Variants in N4BP1 observed in about 807,000 individuals in gnomAD.
The protein encoded by N4BP1 is NEDD4-binding protein 1.
In N4BP1, 21 loss-of-function variants were observed where a neutral mutation model predicts 70.9. The ratio of observed to expected loss-of-function variants is 0.30; its 90% CI spans 0.21 to 0.43. The LOEUF is 0.43. Ranked by LOEUF, N4BP1 falls within the 20% of genes least tolerant of loss-of-function variation. N4BP1 has a pLI of 1.00. For synonymous variants in N4BP1, 387 were observed against 394.6 expected, an observed-to-expected ratio of 0.98 and a Z score of 0.23; for missense variants, 936 against 1,069.4, an observed-to-expected ratio of 0.88 and a Z score of 1.74.
intron 1 of N4BP1, 80 bp from the exon 2 acceptor site, chr16:48,562,524 T>C: frequency 1.8e-6 from 2 of 1,128,656 alleles, no homozygotes; most frequent in Middle Eastern, 2.2e-4. Context: ...TAACTACAAA[T>C]GTCAGGCCGA....
At chr16:48,571,263 C>T (rs1389260090) in intron 1 of N4BP1, among the ~76,000 whole-genome samples, 1 of 152,122 alleles carries the variant, frequency 6.6e-6, no homozygotes, top group Non-Finnish European at 1.5e-5. Context: ...CCGTGGGCCA[C>T]CAGCAACAAC....
chr16:48,592,839 T>C (rs1964357359), intron 1 of N4BP1, among the ~76,000 whole-genome samples: 1 of 152,178 alleles, frequency 6.6e-6, no homozygotes, highest in South Asian at 2.1e-4. Context: ...AGCCATTACA[T>C]TCTAGGTAAG....
In N4BP1 at chr16:48,609,994, C is replaced by G; in HGVS notation, c.-22G>C. The G allele has an allele frequency of 8.5e-7, 1 of 1,170,114 alleles. No homozygotes were observed. The highest frequency in any genetic ancestry group is 1.1e-6 in the Non-Finnish European group (1 of 949,244). 72.5% of individuals were successfully genotyped at this position (1,170,114 alleles called of 1,614,324 possible). On this transcript the variant is annotated 5_prime_UTR_variant, in exon 1 of 7. Transcript: ENST00000262384. ...CCATGGCGGGCGCGGCCTCCCGCGG[C>G]GGCGCCGGGGGCCGGCGGCGGCGAC...
chr16:48,559,426 G>A (rs979207855), intron 2 of N4BP1, among the ~76,000 whole-genome samples: 2 of 152,128 alleles, frequency 1.3e-5, no homozygotes, highest in Non-Finnish European at 1.5e-5. Flanking sequence ...TTGAATTGCG[G>A]CTACTTAAAA....
Position 48,541,810 on chromosome 16 carries a change from G to C in N4BP1, c.*1094C>G, listed in dbSNP as rs1351858821. 6.6e-6 allele frequency: 1 copy of C among 152,594 alleles called. No individual in the cohort carries two copies. The highest frequency in any genetic ancestry group is 1.5e-5 in the Non-Finnish European group (1 of 68,032). 9.5% of individuals were successfully genotyped at this position (152,594 alleles called of 1,614,324 possible). On this transcript the variant is annotated 3_prime_UTR_variant, in exon 7 of 7. Transcript: ENST00000262384. ...ATTCTGAGAAAGACTCACAGGAAAG[G>C]CTGTTTAGGAGGACACTAGAGACAA... is the stretch of plus-strand genomic sequence containing the variant.
rs532271708 is a variant in N4BP1 at position 48,542,476 on chromosome 16, T to C, written c.*428A>G. 6.5e-6 allele frequency: 1 copy of C among 153,700 alleles called. No homozygotes were observed. The highest frequency in any genetic ancestry group is 2.4e-5 in the African/African-American group (1 of 41,558). The allele number at this position is 153,700 out of a possible 1,614,324, so 9.5% of individuals were successfully genotyped here. A position where few individuals can be genotyped will look rare whatever the true frequency, so the allele number is the denominator to read the frequency against. On this transcript the variant is annotated 3_prime_UTR_variant, in exon 7 of 7. Coordinates refer to ENST00000262384, the MANE Select transcript of N4BP1 (RefSeq NM_153029.4). Reference sequence around the variant, plus strand: ...ACTTCATGGTAGTGATGGGACATACTCATCTCAAGAAAATATACTTTAAGA... The same window carrying C: ...ACTTCATGGTAGTGATGGGACATACCCATCTCAAGAAAATATACTTTAAGA...
intron 1 of N4BP1, among the ~76,000 whole-genome samples, chr16:48,594,015 A>C (rs1437375625): frequency 6.6e-6 from 1 of 150,888 alleles, no homozygotes; most frequent in African/African-American, 2.4e-5. Flanking sequence ...AAAAAAAAAA[A>C]AAACAAAAAA....
Position 48,561,598 on chromosome 16 carries a change from T to C in N4BP1, c.1045A>G (p.Ile349Val). The change falls in exon 2 of 7, where the codon ATC (isoleucine) becomes GTC (valine). Residue 349 changes from isoleucine (I) to valine (V), a missense_variant. Physicochemically the swap from Ile to Val is conservative, Grantham distance 29. This residue lies in a region of N4BP1 where 515 missense variants were observed against 491.7 expected (regional missense o/e 1.05). Transcript: ENST00000262384. ...ATGGTTTTAAAAAAGTTTACGAGGA[T>C]GTTGTATTCCATTTCCTCAGTAGTT... ...KETTEEMEYN[I>V]LVNFFKTMGY... 1 of 1,613,636 alleles carries C rather than the reference T, an allele frequency of 6.2e-7. No individual in the cohort carries two copies. Among genetic ancestry groups the C allele is most frequent in the Non-Finnish European group, 8.5e-7 (1 of 1,179,812 alleles).
At chr16:48,597,838 T>C (rs1964439359) in intron 1 of N4BP1, among the ~76,000 whole-genome samples, 1 of 152,144 alleles carries the variant, frequency 6.6e-6, no homozygotes, top group African/African-American at 2.4e-5. Context: ...GCTGTGGACA[T>C]GAGGCAATAA....
At chr16:48,602,657 G>C (rs1166418200) in intron 1 of N4BP1, among the ~76,000 whole-genome samples, 1 of 151,804 alleles carries the variant, frequency 6.6e-6, no homozygotes, top group African/African-American at 2.4e-5. Flanking sequence ...CCTTCTTCCT[G>C]GTAAAATCAA....
At position 48,590,153 on chromosome 16, in the gene N4BP1, A is replaced by G. The variant is rs190424577; in HGVS notation, c.198+19622T>C. On this transcript the variant is annotated intron_variant, in intron 1 of 6. Transcript: ENST00000262384. ...AAATATTTTGCAGACTCTGCACTCA[A>G]TGAATCAGCTGACACCACCCAGATC... Among the ~76,000 whole-genome samples the G allele has an allele frequency of 1.0e-3, 154 of 152,192 alleles. 1 individual carries two copies. The highest frequency in any genetic ancestry group is 3.5e-3 in the African/African-American group (144 of 41,516).
chr16:48,563,305 A>G (rs996345414), intron 1 of N4BP1, among the ~76,000 whole-genome samples: 7 of 152,182 alleles, frequency 4.6e-5, no homozygotes, highest in African/African-American at 1.4e-4. Flanking sequence ...CAGTAAGCTG[A>G]GATCATGTCA....
chr16:48,557,269 A>G (rs1366308186), intron 2 of N4BP1, among the ~76,000 whole-genome samples: 1 of 152,194 alleles, frequency 6.6e-6, no homozygotes, highest in Non-Finnish European at 1.5e-5. Context: ...CAAATCAGTG[A>G]GCTTTAGTCA....
At chr16:48,553,138 C>T (rs758208892) in intron 3 of N4BP1, among the ~76,000 whole-genome samples, 1 of 152,050 alleles carries the variant, frequency 6.6e-6, no homozygotes, top group African/African-American at 2.4e-5. Context: ...TTATGGTTAA[C>T]GGAAATGATT....
chr16:48,606,502 CCT>C (rs1964584243), intron 1 of N4BP1, among the ~76,000 whole-genome samples: 1 of 152,212 alleles, frequency 6.6e-6, no homozygotes, highest in African/African-American at 2.4e-5. Flanking sequence ...TCCACAACCA[CCT>C]CTGTCTGGAA....
At chr16:48,555,681 C>A (rs1043639486) in intron 2 of N4BP1, among the ~76,000 whole-genome samples, 3 of 152,142 alleles carry the variant, frequency 2.0e-5, no homozygotes, top group African/African-American at 7.2e-5. Flanking sequence ...AAGGGGGCCT[C>A]TTTTAATCTT....
intron 1 of N4BP1, among the ~76,000 whole-genome samples, chr16:48,608,862 C>CG (rs911260636): frequency 5.3e-5 from 8 of 151,602 alleles, no homozygotes; most frequent in African/African-American, 1.9e-4. Flanking sequence ...TGTTCTTAAG[C>CG]GTTATGTAAA....
At chr16:48,604,966 C>T (rs946232578) in intron 1 of N4BP1, among the ~76,000 whole-genome samples, 5 of 152,140 alleles carry the variant, frequency 3.3e-5, no homozygotes, top group Non-Finnish European at 7.4e-5. Flanking sequence ...CACTTCCCTA[C>T]ACAGGTTCCC....
Position 48,562,391 on chromosome 16 carries a change from G to A in N4BP1, c.252C>T (p.Pro84=). The A allele has an allele frequency of 6.2e-7, 1 of 1,613,166 alleles. No homozygotes were observed. The highest frequency in any genetic ancestry group is 8.5e-7 in the Non-Finnish European group (1 of 1,179,644). ...EPELEERECY[P]KDMHCIFVGA... ...CAACAAAAATGCAGTGCATGTCCTT[G>A]GGGTAACATTCTCTTTCTTCTAGTT... The change falls in exon 2 of 7, where the codon CCC becomes CCT. Residue 84 remains proline, a synonymous_variant. Transcript: ENST00000262384.
Sources: gnomAD v4.1 joint callset for allele counts (sites outside exome capture counted in the v4.1 genomes callset) on GRCh38, gnomAD v4.1.1 for gene constraint, gnomAD v4.1.1 regional missense constraint, MANE v1.5 for transcripts, NCBI Gene and HGNC (gene_info 2026-07-23, HGNC 2026-07-21) for gene names.